Variants in UBE2O observed in about 807,000 individuals in gnomAD.
The protein encoded by UBE2O is (E3-independent) E2 ubiquitin-conjugating enzyme.
Under a neutral mutation model 125.8 loss-of-function variants are expected in UBE2O, and 15 were observed. The observed-to-expected ratio is 0.12, with a 90% confidence interval of 0.08 to 0.18. The LOEUF (loss-of-function observed/expected upper bound fraction) is 0.18. Among genes scored for constraint, UBE2O ranks in the 10% least tolerant of loss-of-function variants. The probability of loss-of-function intolerance (pLI) is 1.00; values close to 1 mark genes in which losing one functional copy is unlikely to be tolerated. For synonymous variants in UBE2O, 708 were observed against 703.2 expected (o/e 1.01, Z -0.11); for missense variants, 1,280 against 1,723.6 (o/e 0.74, Z 4.56).
At chr17:76,408,467 G>A (rs1567839195) in intron 1 of UBE2O, among the ~76,000 whole-genome samples, 1 of 152,234 alleles carries the variant, frequency 6.6e-6, no homozygotes, top group Admixed American at 6.5e-5. Context: ...CCTGAACGCA[G>A]GCAGTTTGGC....
At chr17:76,408,434 T>C (rs2072460340) in intron 1 of UBE2O, among the ~76,000 whole-genome samples, 1 of 152,208 alleles carries the variant, frequency 6.6e-6, no homozygotes, top group Non-Finnish European at 1.5e-5. Flanking sequence ...ACTCATTCAA[T>C]GTCACAAGTA....
chr17:76,439,548 G>C (rs1222507812), intron 1 of UBE2O, among the ~76,000 whole-genome samples: 5 of 152,160 alleles, frequency 3.3e-5, no homozygotes, highest in African/African-American at 1.2e-4. Flanking sequence ...TGTATGCCCA[G>C]GCATTCTTGG....
chr17:76,401,205 G>A, intron 5 of UBE2O, 51 bp from the exon 6 acceptor site: 1 of 1,599,950 alleles, frequency 6.3e-7, no homozygotes, highest in Non-Finnish European at 8.5e-7. Flanking sequence ...GTCTCCATGG[G>A]TGACCATGCT....
chr17:76,400,380 C>T lies in UBE2O; in HGVS notation c.1004+61G>A. The stretch of plus-strand genomic sequence containing the variant: ...TCTTAAGCCTCCCCAGGCATGTGAC[C>T]AGGGCCCAGAGCCCTGTCCCACGCG... On this transcript the variant is annotated intron_variant, in intron 7 of 17. Coordinates refer to ENST00000319380, the MANE Select transcript of UBE2O (RefSeq NM_022066.4). The surrounding 1 kb of genome is among the most constrained non-coding windows in gnomAD (Gnocchi z 4.3). The T allele has an allele frequency of 1.9e-6, 3 of 1,593,526 alleles. No individual in the cohort carries two copies. Among genetic ancestry groups the T allele is most frequent in the Non-Finnish European group, 2.6e-6 (3 of 1,167,312 alleles).
rs2072345868 is a variant in UBE2O at position 76,402,540 on chromosome 17, C to T, written c.686+62G>A. ...GTCCCCAGGAGGAAACACCCTCCTC[C>T]TCCCCTCTTTCCAAGAGGCTATCCT... is the stretch of plus-strand genomic sequence containing the variant. On this transcript the variant is annotated intron_variant, in intron 4 of 17. Transcript: ENST00000319380. This position sits in a 1 kb window ranked among gnomAD's most constrained non-coding sequence, Gnocchi z 5.4. 3 of 1,412,852 alleles carry T rather than the reference C, an allele frequency of 2.1e-6. No homozygotes were observed. Among genetic ancestry groups the T allele is most frequent in the African/African-American group, 1.4e-5 (1 of 71,078 alleles). 87.5% of individuals were successfully genotyped at this position (1,412,852 alleles called of 1,614,324 possible). A position where few individuals can be genotyped will look rare whatever the true frequency, so the allele number is the denominator to read the frequency against.
intron 15 of UBE2O, among the ~76,000 whole-genome samples, chr17:76,394,716 CTGGGTG>C (rs969623192): frequency 2.0e-5 from 3 of 152,122 alleles, no homozygotes; most frequent in African/African-American, 7.2e-5. Flanking sequence ...CAACAATCCT[CTGGGTG>C]TGGGAAGAGG....
rs143686201 is a variant in UBE2O, at chr17:76,396,328, T to C, written c.2609A>G (p.Asn870Ser). 189 of 1,614,210 alleles carry C rather than the reference T, an allele frequency of 1.2e-4. No individual in the cohort carries two copies. In the African/African-American group the frequency reaches 2.1e-3, roughly 18 times the overall value. ...LQENLKKTLD[N>S]VAIVEEEKME... ...CTTCTCCTCCTCTACAATGGCCACATTGTCCAGGGTCTTCTTGAGGTTTTC... is the reference window on the plus strand; with the variant it reads ...CTTCTCCTCCTCTACAATGGCCACACTGTCCAGGGTCTTCTTGAGGTTTTC... The change falls in exon 14 of 18, where the codon AAT (asparagine) becomes AGT (serine). Residue 870 changes from asparagine to serine, a missense_variant. Transcript: ENST00000319380. The surrounding 1 kb of genome is among the most constrained non-coding windows in gnomAD (Gnocchi z 6.7).
chr17:76,408,395 C>T (rs767525492), intron 1 of UBE2O, among the ~76,000 whole-genome samples: 4 of 152,152 alleles, frequency 2.6e-5, no homozygotes, highest in Middle Eastern at 3.2e-3. Context: ...TTTGCAGATA[C>T]GCAAACTGAG....
chr17:76,427,928 T>C (rs1048255600), intron 1 of UBE2O, among the ~76,000 whole-genome samples: 1 of 152,222 alleles, frequency 6.6e-6, no homozygotes, highest in African/African-American at 2.4e-5. Context: ...TCTATTATTG[T>C]TAGGGTCGAT....
chr17:76,423,456 G>A (rs1033145057), intron 1 of UBE2O, among the ~76,000 whole-genome samples: 4 of 152,030 alleles, frequency 2.6e-5, no homozygotes, highest in African/African-American at 9.7e-5. Flanking sequence ...CACTTCGGGA[G>A]GCCGAGGTGG....
At position 76,398,788 on chromosome 17, in the gene UBE2O, C is replaced by G. The variant is rs768605049; in HGVS notation, c.1783+49G>C. The G allele has an allele frequency of 6.3e-7, 1 of 1,597,512 alleles. No individual in the cohort carries two copies. Among genetic ancestry groups the G allele is most frequent in the South Asian group, 1.1e-5 (1 of 88,584 alleles). On this transcript the variant is annotated intron_variant, in intron 10 of 17. Coordinates refer to ENST00000319380, the MANE Select transcript of UBE2O (RefSeq NM_022066.4). The surrounding 1 kb of genome is among the most constrained non-coding windows in gnomAD (Gnocchi z 5.4). ...CATTCTCCACAAGCCCCAACCCGGG[C>G]CCTCATTGGCGACCACCCTGCTGGC...
At chr17:76,442,081 A>C (rs2073083123) in intron 1 of UBE2O, among the ~76,000 whole-genome samples, 1 of 122,946 alleles carries the variant, frequency 8.1e-6, no homozygotes, top group African/African-American at 2.5e-5. Flanking sequence ...CAAGTGCTTT[A>C]GGCGGGGTTC....
chr17:76,406,692 GTTTTTTTTTTTTTT>G (rs66834782), intron 1 of UBE2O, among the ~76,000 whole-genome samples: 4 of 70,896 alleles, frequency 5.6e-5, no homozygotes, highest in Non-Finnish European at 7.4e-5. Context: ...AGCCCAAGTT[GTTTTTTTTTTTTTT>G]TTTTTTTTTT....
At chr17:76,408,757 C>G (rs952791034) in intron 1 of UBE2O, among the ~76,000 whole-genome samples, 1 of 152,152 alleles carries the variant, frequency 6.6e-6, no homozygotes, top group African/African-American at 2.4e-5. Flanking sequence ...CTAGAGGGCA[C>G]TGTGCCCACT....
intron 1 of UBE2O, among the ~76,000 whole-genome samples, chr17:76,442,840 A>G (rs192269855): frequency 3.7e-4 from 56 of 152,324 alleles, no homozygotes; most frequent in Middle Eastern, 3.4e-3. Context: ...GACTAGAGGC[A>G]GGGAGACCAG....
intron 1 of UBE2O, among the ~76,000 whole-genome samples, chr17:76,434,985 G>A (rs1428260444): frequency 1.3e-5 from 2 of 152,032 alleles, no homozygotes; most frequent in African/African-American, 4.8e-5. Context: ...AAATGGCAGA[G>A]CTGGGCTCTC....
At position 76,405,307 on chromosome 17, in the gene UBE2O, A is replaced by G. The variant is rs745754238; in HGVS notation, c.487T>C (p.Cys163Arg). 6.2e-7 allele frequency: 1 copy of G among 1,611,208 alleles called. No individual in the cohort carries two copies. The highest frequency in any genetic ancestry group is 1.1e-5 in the South Asian group (1 of 90,882). ...VRHMRSTDSQ[C>R]GTVIDVNIDC... ...ATGTTGACGTCGATCACCGTGCCAC[A>G]CTGACTGTCCTGGGGGAGGGAGGAG... The change falls in exon 3 of 18, where the codon TGT becomes CGT. Residue 163 changes from cysteine (C) to arginine (R), a missense_variant. Cys to Arg is a radical substitution (Grantham distance 180). Coordinates refer to ENST00000319380, the MANE Select transcript of UBE2O (RefSeq NM_022066.4). The surrounding 1 kb of genome is among the most constrained non-coding windows in gnomAD (Gnocchi z 6.1).
chr17:76,444,263 G>C (rs2073120628), intron 1 of UBE2O, among the ~76,000 whole-genome samples: 1 of 151,956 alleles, frequency 6.6e-6, no homozygotes, highest in Non-Finnish European at 1.5e-5. Flanking sequence ...AAGAGGGTGT[G>C]GTCAGCTAGG....
At chr17:76,425,552 C>T (rs1399412884) in intron 1 of UBE2O, among the ~76,000 whole-genome samples, 1 of 152,138 alleles carries the variant, frequency 6.6e-6, no homozygotes, top group East Asian at 1.9e-4. Context: ...TATTGACGTC[C>T]TGTTTTGGTA....
Sources: gnomAD v4.1 joint callset for allele counts (sites outside exome capture counted in the v4.1 genomes callset) on GRCh38, gnomAD v4.1.1 for gene constraint, Gnocchi (gnomAD v3.1) non-coding constraint, MANE v1.5 for transcripts, NCBI Gene and HGNC (gene_info 2026-07-23, HGNC 2026-07-21) for gene names.